RFX1: variants seen among roughly 807,000 people sequenced by gnomAD.
The protein encoded by RFX1 is MHC class II regulatory factor RFX1.
A neutral mutation model predicts 119.6 loss-of-function variants in RFX1; 42 were observed. The observed-to-expected ratio is 0.35, with a 90% CI of 0.27 to 0.45. The LOEUF (loss-of-function observed/expected upper bound fraction) is 0.45, where lower values mean the gene tolerates loss of function less well. RFX1 is among the 20% of genes least tolerant of loss of function. The probability of loss-of-function intolerance (pLI) is 1.00; values close to 1 mark genes in which losing one functional copy is unlikely to be tolerated. For missense variants in RFX1, 1,118 were observed against 1,368.1 expected, an observed-to-expected ratio of 0.82 and a Z score of 2.88; for synonymous variants, 628 against 618.5, an observed-to-expected ratio of 1.02 and a Z score of -0.23.
At chr19:14,005,738 T>C (rs1599530320) in intron 1 of RFX1, among the ~76,000 whole-genome samples, 1 of 150,960 alleles carries the variant, frequency 6.6e-6, no homozygotes, top group Middle Eastern at 3.4e-3. Flanking sequence ...GCCCATACCT[T>C]CCCTCCTGGT....
intron 6 of RFX1, 32 bp from the exon 7 acceptor site, chr19:13,979,574 A>G (rs764261219): frequency 1.3e-6 from 2 of 1,485,724 alleles, no homozygotes; most frequent in East Asian, 2.4e-5. Context: ...TAAGATGACC[A>G]TGGCAACGAT....
intron 12 of RFX1, among the ~76,000 whole-genome samples, chr19:13,967,367 G>A (rs1300000378): frequency 6.6e-6 from 1 of 151,656 alleles, no homozygotes; most frequent in African/African-American, 2.4e-5. Context: ...TAAGAGATGG[G>A]GTCTTGCTAT....
chr19:13,975,125 G>A (rs1312072481), intron 8 of RFX1, among the ~76,000 whole-genome samples: 1 of 151,700 alleles, frequency 6.6e-6, no homozygotes, highest in Non-Finnish European at 1.5e-5. Context: ...GGAGGCCAAG[G>A]CGGGTGGATC....
At position 13,962,671 on chromosome 19, in the gene RFX1, G is replaced by C. The variant is rs1171071268; in HGVS notation, c.*24C>G. ...CCTGGCGTGGAGGGGTGGCGGGGGC[G>C]GGTGGGGCGGGGAGGCCAAGGGCTT... is the stretch of plus-strand genomic sequence containing the variant. On this transcript the variant is annotated 3_prime_UTR_variant, in exon 21 of 21. Transcript: ENST00000254325. 2 of 1,499,732 alleles carry C rather than the reference G, an allele frequency of 1.3e-6. No homozygotes were observed. The highest frequency in any genetic ancestry group is 8.9e-7 in the Non-Finnish European group (1 of 1,128,648). 92.9% of individuals were successfully genotyped at this position (1,499,732 alleles called of 1,614,324 possible).
chr19:13,993,384 A>T, intron 2 of RFX1, 141 bp downstream of exon 2: 1 of 718,586 alleles, frequency 1.4e-6, no homozygotes, highest in Non-Finnish European at 2.2e-6. Context: ...TGCATGGCTT[A>T]AGCACCCCTG....
chr19:13,963,554 TGAG>T lies in RFX1; in HGVS notation c.2551_2553del (p.Leu851del). ...CGCGCGCACCTGTAGAAGGACCACT[TGAG>T]GAGGAAGAGCTTGGCGGCCTTGGGG... On this transcript the variant is annotated inframe_deletion, in exon 18 of 21. Transcript: ENST00000254325. The T allele has an allele frequency of 6.2e-7, 1 of 1,604,772 alleles. No homozygotes were observed. The highest frequency in any genetic ancestry group is 8.5e-7 in the Non-Finnish European group (1 of 1,179,268).
Position 13,965,484 on chromosome 19 carries a change from T to C in RFX1, c.2176A>G (p.Met726Val), listed in dbSNP as rs779546732. Residue 726 changes from methionine (M) to valine (V), a missense_variant, in exon 16 of 21, where the codon ATG becomes GTG. Physicochemically the swap from Met to Val is conservative, Grantham distance 21. Transcript: ENST00000254325. This position sits in a 1 kb window ranked among gnomAD's most constrained non-coding sequence, Gnocchi z 4.7. ...KSLESWLTHA[M>V]VNIPEEMLRV... ...AGCATCTCCTCGGGGATGTTGACCA[T>C]GGCGTGGGTGAGCCAGCTCTCCAGG... The C allele has an allele frequency of 6.2e-7, 1 of 1,613,402 alleles. No individual in the cohort carries two copies. Among genetic ancestry groups the C allele is most frequent in the Admixed American group, 1.7e-5 (1 of 59,962 alleles).
intron 1 of RFX1, among the ~76,000 whole-genome samples, chr19:14,004,956 T>C (rs1037625550): frequency 6.6e-6 from 1 of 152,222 alleles, no homozygotes; most frequent in Non-Finnish European, 1.5e-5. Context: ...CCTGCCCACG[T>C]GGCCCTAGAG....
Position 13,963,327 on chromosome 19 carries a change from C to T in RFX1, c.2571-52G>A, listed in dbSNP as rs773470466. On this transcript the variant is annotated intron_variant, in intron 18 of 20. Coordinates refer to ENST00000254325, the MANE Select transcript of RFX1 (RefSeq NM_002918.5). ...GTCAGGCCCCGTCCGGCCCGACCCC[C>T]TCTCCCCCTCCCCGCTGCGATGCGC... 3.2e-6 allele frequency: 5 copies of T among 1,557,752 alleles called. No individual in the cohort carries two copies. The Admixed American group carries it at 7.5e-5, about 23-fold the overall frequency.
chr19:13,980,487 T>C lies in RFX1; in HGVS notation c.738+86A>G, dbSNP rs1974392931. On this transcript the variant is annotated intron_variant, in intron 6 of 20. Coordinates refer to ENST00000254325, the MANE Select transcript of RFX1 (RefSeq NM_002918.5). This position sits in a 1 kb window ranked among gnomAD's most constrained non-coding sequence, Gnocchi z 5.1. ...TGGACCCACATGGGCTGGGCTCTAATAGGCCAGAGGCACAGCCGTGGGGGG... is the reference window on the plus strand; with the variant it reads ...TGGACCCACATGGGCTGGGCTCTAACAGGCCAGAGGCACAGCCGTGGGGGG... The C allele has an allele frequency of 3.7e-6, 3 of 821,322 alleles. No homozygotes were observed. Among genetic ancestry groups the C allele is most frequent in the Non-Finnish European group, 1.9e-6 (1 of 523,074 alleles). The allele number at this position is 821,322 out of a possible 1,614,324, so 50.9% of individuals were successfully genotyped here.
chr19:13,981,557 C>T (rs1052559195), intron 5 of RFX1, among the ~76,000 whole-genome samples: 1 of 152,200 alleles, frequency 6.6e-6, no homozygotes, highest in African/African-American at 2.4e-5. Context: ...GATCGCACCA[C>T]TTCACTCCAG....
chr19:13,972,052 C>T (rs1206579701), intron 9 of RFX1, among the ~76,000 whole-genome samples: 4 of 151,746 alleles, frequency 2.6e-5, no homozygotes, highest in Non-Finnish European at 5.9e-5. Flanking sequence ...GCCTGTAGTC[C>T]CAGCTACTTG....
chr19:14,000,907 C>T (rs1462476375), intron 1 of RFX1, among the ~76,000 whole-genome samples: 1 of 152,054 alleles, frequency 6.6e-6, no homozygotes, highest in Non-Finnish European at 1.5e-5. Context: ...CCAGTCTTAG[C>T]AGCATAGCCG....
At chr19:13,996,014 G>A (rs1271732762) in intron 1 of RFX1, among the ~76,000 whole-genome samples, 1 of 152,072 alleles carries the variant, frequency 6.6e-6, no homozygotes, top group Non-Finnish European at 1.5e-5. Context: ...CAGCCTCAGT[G>A]ACACAGCAAC....
At chr19:14,005,902 G>A (rs1975358827) in intron 1 of RFX1, among the ~76,000 whole-genome samples, 2 of 151,182 alleles carry the variant, frequency 1.3e-5, no homozygotes, top group East Asian at 1.9e-4. Context: ...CCCGCCCCTC[G>A]CGGGGGCCGG....
chr19:13,963,611 G>A lies in RFX1; in HGVS notation c.2497C>T (p.Leu833Phe), dbSNP rs1292879865. The change falls in exon 18 of 21, where the codon CTC (leucine) becomes TTC (phenylalanine). Residue 833 changes from leucine (L) to phenylalanine (F), a missense_variant. By Grantham distance (22) the Leu-to-Phe change is conservative. This residue lies in a region of RFX1 where 68 missense variants were observed against 67.2 expected (regional missense o/e 1.01). Coordinates refer to ENST00000254325, the MANE Select transcript of RFX1 (RefSeq NM_002918.5). ...AWLDGVVSQV[L>F]KPYQGSAGFP... ...CCGGCGCTGCCCTGGTAGGGCTTGA[G>A]CACCTGGCTCACCACGCCGTCCAGC... The A allele has an allele frequency of 1.2e-6, 2 of 1,603,424 alleles. No homozygotes were observed. The highest frequency in any genetic ancestry group is 1.7e-6 in the Non-Finnish European group (2 of 1,178,566).
chr19:13,996,540 C>G (rs1458911723), intron 1 of RFX1, among the ~76,000 whole-genome samples: 1 of 152,104 alleles, frequency 6.6e-6, no homozygotes, highest in African/African-American at 2.4e-5. Context: ...TCCTGGCAGT[C>G]GTATGAGGGA....
At chr19:13,992,198 CA>C (rs1361926209) in intron 2 of RFX1, among the ~76,000 whole-genome samples, 4 of 152,098 alleles carry the variant, frequency 2.6e-5, no homozygotes, top group Admixed American at 2.6e-4. Flanking sequence ...CAGCTACCTA[CA>C]AGGCTGAGGC....
rs765410752 is a variant in RFX1 at position 13,965,470 on chromosome 19, G to A, written c.2190C>T (p.Pro730=). 9.9e-6 allele frequency: 16 copies of A among 1,613,842 alleles called. No homozygotes were observed. Among genetic ancestry groups the A allele is most frequent in the East Asian group, 4.5e-5 (2 of 44,896 alleles). Residue 730 remains proline, a synonymous_variant, in exon 16 of 21, where the codon CCC becomes CCT. Coordinates refer to ENST00000254325, the MANE Select transcript of RFX1 (RefSeq NM_002918.5). This position sits in a 1 kb window ranked among gnomAD's most constrained non-coding sequence, Gnocchi z 4.7. The part of the protein sequence containing the change: ...SWLTHAMVNI[P]EEMLRVKVAA... ...TCACCTTCACCCGCAGCATCTCCTC[G>A]GGGATGTTGACCATGGCGTGGGTGA...
Sources: allele counts gnomAD v4.1 joint callset (sites outside exome capture counted in the v4.1 genomes callset), GRCh38; gene constraint gnomAD v4.1.1; regional missense constraint gnomAD v4.1.1; non-coding constraint Gnocchi (gnomAD v3.1); transcripts MANE v1.5; gene names NCBI Gene and HGNC (gene_info 2026-07-23, HGNC 2026-07-21).